Variants in ADAMTS18 observed in about 807,000 individuals in gnomAD.
ADAMTS18 encodes the protein A disintegrin and metalloproteinase with thrombospondin motifs 18.
Under a neutral mutation model 165.9 loss-of-function variants are expected in ADAMTS18, and 157 were observed. That is an observed-to-expected ratio of 0.95 (90% confidence interval 0.83 to 1.08). The LOEUF is 1.08. Ranked by LOEUF, ADAMTS18 falls within the 50% of genes least tolerant of loss-of-function variation. The pLI, the probability that ADAMTS18 is intolerant of heterozygous loss-of-function variation, is 0.00. For synonymous variants in ADAMTS18, 782 were observed against 578.2 expected (o/e 1.35, Z -5.06); for missense variants, 2,040 against 1,534.0 (o/e 1.33, Z -5.51).
At chr16:77,420,748 TTA>T (rs771038110) in intron 3 of ADAMTS18, among the ~76,000 whole-genome samples, 73 of 152,326 alleles carry the variant, frequency 4.8e-4, no homozygotes, top group Non-Finnish European at 9.3e-4. Context: ...TTTTTTCCCA[TTA>T]TGTCTCTTCA....
chr16:77,404,340 G>T (rs1464428852), intron 3 of ADAMTS18, among the ~76,000 whole-genome samples: 2 of 152,052 alleles, frequency 1.3e-5, no homozygotes, highest in Non-Finnish European at 2.9e-5. Context: ...CCTTTTCAGG[G>T]TCACAAAAAA....
At chr16:77,294,456 A>C (rs2055427156) in intron 19 of ADAMTS18, among the ~76,000 whole-genome samples, 1 of 152,042 alleles carries the variant, frequency 6.6e-6, no homozygotes, top group Non-Finnish European at 1.5e-5. Flanking sequence ...TGTCCCTTCT[A>C]ACTTTAAAAT....
In ADAMTS18 at chr16:77,416,836, C is replaced by T. The variant is rs116807944; in HGVS notation, c.495+14459G>A. Among the ~76,000 whole-genome samples the T allele has an allele frequency of 8.6e-4, 131 of 152,258 alleles. 1 individual carries two copies. Among genetic ancestry groups the T allele is most frequent in the African/African-American group, 3.1e-3 (129 of 41,546 alleles). ...GATGAAAGAGTCATTAGAGAAGAAG[C>T]TGCTACAGGAATCCAGGTGAGAGAT... On this transcript the variant is annotated intron_variant, in intron 3 of 22. Transcript: ENST00000282849.
chr16:77,364,311 T>C lies in ADAMTS18; in HGVS notation c.849A>G (p.Arg283=), dbSNP rs2144737010. The change falls in exon 5 of 23, where the codon AGA becomes AGG. Residue 283 remains arginine, a synonymous_variant. Coordinates refer to ENST00000282849, the MANE Select transcript of ADAMTS18 (RefSeq NM_199355.4). Reference sequence around the variant, plus strand: ...CCTTTTGTGATTTTCCAGCTGATCTTCTGGGTCGCCCAGAGCTCCCATATT... The same window carrying C: ...CCTTTTGTGATTTTCCAGCTGATCTCCTGGGTCGCCCAGAGCTCCCATATT... The part of the protein sequence containing the change: ...FDEYGSSGRP[R]RSAGKSQKGL... 1 of 1,613,984 alleles carries C rather than the reference T, an allele frequency of 6.2e-7. No homozygotes were observed. Among genetic ancestry groups the C allele is most frequent in the Non-Finnish European group, 8.5e-7 (1 of 1,180,006 alleles).
chr16:77,349,499 C>T (rs2056523989), intron 10 of ADAMTS18, among the ~76,000 whole-genome samples: 2 of 145,002 alleles, frequency 1.4e-5, no homozygotes, highest in African/African-American at 5.4e-5. Flanking sequence ...TTTTCCTCTG[C>T]CCCATTTGTT....
At chr16:77,336,546 A>G (rs1021819522) in intron 11 of ADAMTS18, among the ~76,000 whole-genome samples, 2 of 152,184 alleles carry the variant, frequency 1.3e-5, no homozygotes, top group South Asian at 2.1e-4. Context: ...TCCTTTGTCT[A>G]CATAAAAGGT....
intron 3 of ADAMTS18, among the ~76,000 whole-genome samples, chr16:77,418,331 T>C (rs775876599): frequency 3.3e-5 from 5 of 152,020 alleles, no homozygotes; most frequent in Non-Finnish European, 5.9e-5. Context: ...TCGTAAAGAA[T>C]AGAGTTTGTG....
chr16:77,400,456 CTGTG>C (rs796918149), intron 3 of ADAMTS18, among the ~76,000 whole-genome samples: 2,457 of 110,714 alleles, frequency 0.022, 90 homozygotes, highest in African/African-American at 0.085. Flanking sequence ...GTGTGTGTGT[CTGTG>C]TGTGTGTGTG....
intron 2 of ADAMTS18, 60 bp downstream of exon 2, chr16:77,434,358 G>C (rs2144874671): frequency 2.0e-6 from 3 of 1,523,488 alleles, no homozygotes; most frequent in Non-Finnish European, 2.6e-6. Context: ...TCTCTTTGGG[G>C]GAAGGAAGGG....
At chr16:77,320,286 T>C (rs1168857184) in intron 15 of ADAMTS18, among the ~76,000 whole-genome samples, 193 bp from the exon 16 acceptor site, 1 of 152,090 alleles carries the variant, frequency 6.6e-6, no homozygotes, top group Admixed American at 6.6e-5. Flanking sequence ...CTAGAGAAAA[T>C]GTATGTGGCT....
At chr16:77,349,873 G>A (rs565906021) in intron 10 of ADAMTS18, among the ~76,000 whole-genome samples, 1 of 152,182 alleles carries the variant, frequency 6.6e-6, no homozygotes, top group Admixed American at 6.5e-5. Context: ...TCTTCCCCAC[G>A]ATTTCTACTC....
Position 77,362,220 on chromosome 16 carries a change from A to T in ADAMTS18, c.1101T>A (p.Ser367Arg), listed in dbSNP as rs1334219523. ...TGAGGGCAGACTGCCATTGACAAAA[A>T]CTATTCAGAGACTGGTCTGCATGAT... ...INHHADQSLN[S>R]FCQWQSALIG... The change falls in exon 7 of 23, where the codon AGT (serine) becomes AGA (arginine). Residue 367 changes from serine to arginine, a missense_variant. Ser to Arg is a moderately radical substitution (Grantham distance 110). Coordinates refer to ENST00000282849, the MANE Select transcript of ADAMTS18 (RefSeq NM_199355.4). The T allele has an allele frequency of 1.2e-6, 2 of 1,614,170 alleles. No homozygotes were observed. Among genetic ancestry groups the T allele is most frequent in the Non-Finnish European group, 1.7e-6 (2 of 1,180,018 alleles).
intron 14 of ADAMTS18, 118 bp downstream of exon 14, chr16:77,322,218 G>C (rs74643232): frequency 0.11 from 130,577 of 1,149,928 alleles, 8,412 homozygotes; most frequent in East Asian, 0.26. Flanking sequence ...TTGCTCTTTC[G>C]CTCCATGCCA....
At chr16:77,315,876 T>G (rs1214307322) in intron 16 of ADAMTS18, among the ~76,000 whole-genome samples, 1 of 152,206 alleles carries the variant, frequency 6.6e-6, no homozygotes, top group Non-Finnish European at 1.5e-5. Context: ...ACCGCCTACT[T>G]GACAGCTACT....
chr16:77,389,784 A>G (rs2057161044), intron 3 of ADAMTS18, among the ~76,000 whole-genome samples: 1 of 152,238 alleles, frequency 6.6e-6, no homozygotes, highest in Non-Finnish European at 1.5e-5. Flanking sequence ...GGTGAAATAG[A>G]GACAGGAGCT....
At chr16:77,432,955 C>T (rs1313811580) in intron 2 of ADAMTS18, among the ~76,000 whole-genome samples, 2 of 152,148 alleles carry the variant, frequency 1.3e-5, no homozygotes, top group African/African-American at 4.8e-5. Flanking sequence ...TGTCCTCCCA[C>T]TCCCATTTTT....
intron 16 of ADAMTS18, among the ~76,000 whole-genome samples, chr16:77,314,455 A>G (rs2055842891): frequency 1.3e-5 from 2 of 151,432 alleles, no homozygotes; most frequent in Admixed American, 6.6e-5. Context: ...TAAAAAACAT[A>G]TACAAAATTA....
intron 11 of ADAMTS18, among the ~76,000 whole-genome samples, chr16:77,336,177 T>C (rs562218392): frequency 8.1e-4 from 123 of 152,258 alleles, no homozygotes; most frequent in African/African-American, 2.8e-3. Context: ...AGGTGACATG[T>C]TCAGATAAGA....
At chr16:77,365,684 G>A (rs922417539) in intron 4 of ADAMTS18, among the ~76,000 whole-genome samples, 11 of 151,624 alleles carry the variant, frequency 7.3e-5, no homozygotes, top group African/African-American at 2.4e-4. Context: ...AGCATTCCTG[G>A]GAAGAAAAAT....
Sources: gnomAD v4.1 joint callset for allele counts (sites outside exome capture counted in the v4.1 genomes callset) on GRCh38, gnomAD v4.1.1 for gene constraint, MANE v1.5 for transcripts, NCBI Gene and HGNC (gene_info 2026-07-23, HGNC 2026-07-21) for gene names.